PLPPR5: variants seen among roughly 807,000 people sequenced by gnomAD.
PLPPR5 encodes the protein phospholipid phosphatase-related protein type 5.
In PLPPR5, 16 loss-of-function variants were observed where a neutral mutation model predicts 33.9. The ratio of observed to expected loss-of-function variants is 0.47; its 90% confidence interval spans 0.32 to 0.72. The LOEUF is 0.72. Ranked by LOEUF, PLPPR5 falls within the 30% of genes least tolerant of loss-of-function variation. The probability of loss-of-function intolerance (pLI) is 0.03; values close to 1 mark genes in which losing one functional copy is unlikely to be tolerated. For synonymous variants in PLPPR5, 163 were observed against 150.3 expected (o/e 1.08, Z -0.62); for missense variants, 301 against 406.7 (o/e 0.74, Z 2.23).
intron 3 of PLPPR5, among the ~76,000 whole-genome samples, chr1:98,935,107 T>C (rs776778710): frequency 2.0e-5 from 3 of 152,092 alleles, no homozygotes; most frequent in Non-Finnish European, 4.4e-5. Flanking sequence ...ATATAATTTG[T>C]AGGGTCCAGT....
At chr1:98,975,916 T>C (rs1651830099) in intron 1 of PLPPR5, among the ~76,000 whole-genome samples, 1 of 151,936 alleles carries the variant, frequency 6.6e-6, no homozygotes, top group African/African-American at 2.4e-5. Context: ...TTTTCATTAT[T>C]GGATCCCACG....
At chr1:98,930,786 C>T (rs1266701072) in intron 3 of PLPPR5, among the ~76,000 whole-genome samples, 2 of 152,004 alleles carry the variant, frequency 1.3e-5, no homozygotes, top group African/African-American at 2.4e-5. Context: ...TCAGGAAGTG[C>T]TCTTCTTTCC....
At chr1:98,973,734 G>A (rs1258911573) in intron 1 of PLPPR5, among the ~76,000 whole-genome samples, 1 of 151,934 alleles carries the variant, frequency 6.6e-6, no homozygotes, top group Non-Finnish European at 1.5e-5. Flanking sequence ...AGTATAGAAT[G>A]TACTTGAAGA....
chr1:98,967,965 G>A (rs1651511013), intron 1 of PLPPR5, among the ~76,000 whole-genome samples: 1 of 152,118 alleles, frequency 6.6e-6, no homozygotes, highest in Admixed American at 6.6e-5. Flanking sequence ...TGCACATGTA[G>A]ATGAGGGTCA....
chr1:98,899,148 T>C (rs970094533), intron 5 of PLPPR5, among the ~76,000 whole-genome samples: 42 of 152,270 alleles, frequency 2.8e-4, no homozygotes, highest in Non-Finnish European at 2.1e-4. Flanking sequence ...ACTGGAATTT[T>C]TGAAGGCTCT....
chr1:98,953,250 C>T lies in PLPPR5; in HGVS notation c.441G>A (p.Leu147=), dbSNP rs1650855038. The T allele has an allele frequency of 1.2e-6, 2 of 1,613,938 alleles. No homozygotes were observed. The highest frequency in any genetic ancestry group is 1.1e-5 in the South Asian group (1 of 91,078). Residue 147 remains leucine, a synonymous_variant, in exon 3 of 6, where the codon CTG becomes CTA. Transcript: ENST00000263177. The part of the protein sequence containing the change: ...VNAGQVVTGN[L]APHFLALCKP... ...TACACAGGGCAAGGAAATGTGGGGC[C>T]AGATTTCCTGTGACTACTTGTCCAG...
chr1:99,001,399 T>C (rs1284446270), intron 1 of PLPPR5, among the ~76,000 whole-genome samples: 1 of 151,884 alleles, frequency 6.6e-6, no homozygotes, highest in African/African-American at 2.4e-5. Context: ...CCTCCCAAAG[T>C]GCTCAGATTA....
At chr1:99,001,922 T>C (rs568786833) in intron 1 of PLPPR5, among the ~76,000 whole-genome samples, 1 of 151,896 alleles carries the variant, frequency 6.6e-6, no homozygotes, top group South Asian at 2.1e-4. Context: ...TCCCAAATGT[T>C]AGATAAGAAT....
At chr1:98,931,758 G>A (rs972864367) in intron 3 of PLPPR5, among the ~76,000 whole-genome samples, 2 of 152,098 alleles carry the variant, frequency 1.3e-5, no homozygotes, top group African/African-American at 4.8e-5. Context: ...CGGGGGCCAG[G>A]TTCAAAAAGC....
intron 3 of PLPPR5, among the ~76,000 whole-genome samples, chr1:98,952,010 G>A (rs902868201): frequency 3.3e-5 from 5 of 152,058 alleles, no homozygotes; most frequent in African/African-American, 1.2e-4. Flanking sequence ...CGCCTGTAAT[G>A]CCAGCACTTT....
chr1:98,948,368 A>G (rs146857908), intron 3 of PLPPR5, among the ~76,000 whole-genome samples: 4 of 152,268 alleles, frequency 2.6e-5, no homozygotes, highest in East Asian at 1.9e-4. Context: ...TTGGCCACCA[A>G]TGAGGAAGGG....
At position 98,956,758 on chromosome 1, in the gene PLPPR5, A is replaced by G. The variant is rs776853867; in HGVS notation, c.238-17T>C. ...AACTATTATCTTGAAAGAAAATAAA[A>G]GATTAAGGAATATTAGAATTTAACC... On this transcript the variant is annotated splice_polypyrimidine_tract_variant and intron_variant, in intron 1 of 5. Transcript: ENST00000263177. 1 of 1,524,758 alleles carries G rather than the reference A, an allele frequency of 6.6e-7. No individual in the cohort carries two copies. The highest frequency in any genetic ancestry group is 8.8e-7 in the Non-Finnish European group (1 of 1,135,660). 94.5% of individuals were successfully genotyped at this position (1,524,758 alleles called of 1,614,324 possible).
chr1:98,921,476 A>G (rs1649550320), intron 4 of PLPPR5, among the ~76,000 whole-genome samples: 1 of 152,200 alleles, frequency 6.6e-6, no homozygotes, highest in Non-Finnish European at 1.5e-5. Context: ...AATCTTTAAA[A>G]AATATCCAAA....
At chr1:98,983,826 T>C (rs1361265322) in intron 1 of PLPPR5, among the ~76,000 whole-genome samples, 1 of 152,184 alleles carries the variant, frequency 6.6e-6, no homozygotes, top group Non-Finnish European at 1.5e-5. Flanking sequence ...TTGATTTGCA[T>C]TTCCCTGATG....
intron 3 of PLPPR5, among the ~76,000 whole-genome samples, chr1:98,933,369 G>C (rs867931561): frequency 2.6e-5 from 4 of 151,450 alleles, no homozygotes; most frequent in African/African-American, 9.7e-5. Context: ...TGTAGTCCCA[G>C]CTACTCAGGA....
At chr1:98,994,834 A>G (rs1652575252) in intron 1 of PLPPR5, among the ~76,000 whole-genome samples, 1 of 152,138 alleles carries the variant, frequency 6.6e-6, no homozygotes, top group Non-Finnish European at 1.5e-5. Flanking sequence ...TGAATGCTAA[A>G]GATGAACTCA....
chr1:98,902,203 G>T (rs1011054970), intron 5 of PLPPR5, among the ~76,000 whole-genome samples: 1 of 151,994 alleles, frequency 6.6e-6, no homozygotes, highest in Non-Finnish European at 1.5e-5. Flanking sequence ...TATAATTGAA[G>T]ATTAGCTTTT....
chr1:98,956,482 A>G, intron 2 of PLPPR5, 127 bp downstream of exon 2: 1 of 937,906 alleles, frequency 1.1e-6, no homozygotes, highest in African/African-American at 1.7e-5. Context: ...TTTAAAAGCA[A>G]ATTGAAACAT....
At chr1:98,929,533 AATGTG>A (rs1025101876) in intron 3 of PLPPR5, among the ~76,000 whole-genome samples, 1 of 152,214 alleles carries the variant, frequency 6.6e-6, no homozygotes, top group African/African-American at 2.4e-5. Context: ...AGGAGTCACA[AATGTG>A]ATGTAAGTAA....
Sources: gnomAD v4.1 joint callset for allele counts (sites outside exome capture counted in the v4.1 genomes callset) on GRCh38, gnomAD v4.1.1 for gene constraint, MANE v1.5 for transcripts, NCBI Gene and HGNC (gene_info 2026-07-23, HGNC 2026-07-21) for gene names.